Variants in FSAF1 observed in about 807,000 individuals in gnomAD.
FSAF1 encodes 40S small subunit processome assembly factor 1, also known as uncharacterized protein C1orf131.
the FSAF1 span, chr1:231,225,154 G>A: frequency 4.9e-6 from 2 of 410,016 alleles, no homozygotes; most frequent in African/African-American, 2.0e-5. Flanking sequence ...TCAAAGAGCA[G>A]GCTATACAGA....
the FSAF1 span, chr1:231,227,129 T>G: frequency 2.6e-6 from 4 of 1,526,066 alleles, no homozygotes; most frequent in South Asian, 4.5e-5. Flanking sequence ...GAAAAAAACA[T>G]ACTGCCAGAA....
the FSAF1 span, among the ~76,000 whole-genome samples, chr1:231,235,331 T>C: frequency 1.3e-5 from 2 of 152,080 alleles, no homozygotes; most frequent in Non-Finnish European, 2.9e-5. Context: ...ACCCCATCTC[T>C]ACTAAAAATA....
At chr1:231,225,473 GTCC>G in the FSAF1 span, 1 of 1,613,592 alleles carries the variant, frequency 6.2e-7, no homozygotes, top group Non-Finnish European at 8.5e-7. Flanking sequence ...TCACTCACCT[GTCC>G]TCCTGTCCTT....
At chr1:231,239,123 C>T in the FSAF1 span, 10 of 1,609,816 alleles carry the variant, frequency 6.2e-6, no homozygotes, top group Non-Finnish European at 8.5e-6. Flanking sequence ...GAAGCCATCA[C>T]ATCTCTCTTC....
At chr1:231,240,938 C>A in the FSAF1 span, 1 of 1,217,298 alleles carries the variant, frequency 8.2e-7, no homozygotes, top group South Asian at 1.2e-5. This position sits in a 1 kb window ranked among gnomAD's most constrained non-coding sequence, Gnocchi z 4.1. Context: ...AGCCTCAAAG[C>A]AGAGGCCAAC....
At chr1:231,225,776 C>A in the FSAF1 span, 2 of 485,128 alleles carry the variant, frequency 4.1e-6, no homozygotes, top group Admixed American at 6.5e-5. Flanking sequence ...ATCACTTGAT[C>A]CCAGGAGTTC....
chr1:231,227,028 C>T, the FSAF1 span: 1 of 1,614,196 alleles, frequency 6.2e-7, no homozygotes, highest in South Asian at 1.1e-5. Context: ...CTTTCCTTTT[C>T]CATAACCCGT....
At chr1:231,240,153 A>G in the FSAF1 span, among the ~76,000 whole-genome samples, 3 of 152,228 alleles carry the variant, frequency 2.0e-5, no homozygotes, top group Non-Finnish European at 4.4e-5. This position sits in a 1 kb window ranked among gnomAD's most constrained non-coding sequence, Gnocchi z 4.1. Flanking sequence ...ATCTGCAATC[A>G]TGGATTTATG....
chr1:231,238,769 C>T, the FSAF1 span: 1 of 1,295,894 alleles, frequency 7.7e-7, no homozygotes. Context: ...GATAGTCAGG[C>T]ATTCCTGCCA....
chr1:231,239,240 A>T, the FSAF1 span: 4 of 1,438,282 alleles, frequency 2.8e-6, no homozygotes, highest in Middle Eastern at 1.8e-4. Flanking sequence ...CTTAGCTATC[A>T]TCAGTATCAA....
the FSAF1 span, chr1:231,226,566 G>C: frequency 1.5e-6 from 1 of 651,874 alleles, no homozygotes; most frequent in South Asian, 1.9e-5. Context: ...AAGTACGCCA[G>C]ATTACTTGGC....
chr1:231,240,998 G>C, the FSAF1 span: 1 of 1,591,472 alleles, frequency 6.3e-7, no homozygotes. The surrounding 1 kb of genome is among the most constrained non-coding windows in gnomAD (Gnocchi z 4.1). Context: ...TGTTCTCCAC[G>C]TGGGCTCCTG....
At chr1:231,239,506 A>G in the FSAF1 span, among the ~76,000 whole-genome samples, 8 of 152,224 alleles carry the variant, frequency 5.3e-5, no homozygotes, top group Non-Finnish European at 1.0e-4. Flanking sequence ...GCTTTATACT[A>G]AAAATATCAG....
chr1:231,231,408 A>T, the FSAF1 span, among the ~76,000 whole-genome samples: 2 of 152,144 alleles, frequency 1.3e-5, no homozygotes, highest in Non-Finnish European at 2.9e-5. Context: ...CCCCTAAGAT[A>T]TTTACCGCCT....
chr1:231,238,563 A>C, the FSAF1 span: 6 of 262,776 alleles, frequency 2.3e-5, no homozygotes, highest in African/African-American at 1.1e-4. Context: ...TGCATACCTG[A>C]GGTCTTGAGC....
the FSAF1 span, chr1:231,225,824 G>A: frequency 2.3e-3 from 815 of 357,952 alleles, 5 homozygotes; most frequent in Admixed American, 9.9e-3. Context: ...TCCTGTCTCA[G>A]TTAGAAAGAA....
the FSAF1 span, chr1:231,241,114 T>C: frequency 7.4e-6 from 12 of 1,613,410 alleles, no homozygotes; most frequent in East Asian, 2.2e-5. Flanking sequence ...TGCGACATTG[T>C]GGGGTCAGCC....
chr1:231,234,756 T>A, the FSAF1 span, among the ~76,000 whole-genome samples: 9 of 152,332 alleles, frequency 5.9e-5, no homozygotes, highest in South Asian at 1.9e-3. This position sits in a 1 kb window ranked among gnomAD's most constrained non-coding sequence, Gnocchi z 4.0. Flanking sequence ...TCTCTTGTAT[T>A]AGCACCAACC....
chr1:231,239,142 C>T, the FSAF1 span: 5 of 1,600,226 alleles, frequency 3.1e-6, no homozygotes, highest in Admixed American at 3.5e-5. Flanking sequence ...TCTTGTTTTC[C>T]CTTTTCTTTA....
Sources: gnomAD v4.1 joint callset for allele counts (sites outside exome capture counted in the v4.1 genomes callset) on GRCh38, gnomAD v4.1.1 for gene constraint, Gnocchi (gnomAD v3.1) non-coding constraint, MANE v1.5 for transcripts, NCBI Gene and HGNC (gene_info 2026-07-23, HGNC 2026-07-21) for gene names.